DHRS7B: variants seen among roughly 807,000 people sequenced by gnomAD.
The protein encoded by DHRS7B is peroxisomal reductase activating PPAR-gamma.
A neutral mutation model predicts 26.4 loss-of-function variants in DHRS7B; 24 were observed. The observed-to-expected ratio is 0.91, with a 90% confidence interval of 0.66 to 1.28. The LOEUF (loss-of-function observed/expected upper bound fraction) is 1.28. Among genes scored for constraint, DHRS7B ranks in the 50% most tolerant of loss-of-function variants. The pLI, the probability that DHRS7B is intolerant of heterozygous loss-of-function variation, is 0.00. For missense variants in DHRS7B, 368 were observed against 419.4 expected, an observed-to-expected ratio of 0.88 and a Z score of 1.07; for synonymous variants, 142 against 166.4, an observed-to-expected ratio of 0.85 and a Z score of 1.13.
intron 1 of DHRS7B, among the ~76,000 whole-genome samples, chr17:21,160,336 G>A (rs1373187874): frequency 3.3e-5 from 5 of 151,818 alleles, no homozygotes; most frequent in South Asian, 2.1e-4. Context: ...TAGCCTGGGT[G>A]ACAAAGTTAG....
intron 1 of DHRS7B, among the ~76,000 whole-genome samples, chr17:21,150,078 G>A (rs1208237136): frequency 1.5e-5 from 2 of 130,542 alleles, no homozygotes; most frequent in Non-Finnish European, 1.5e-5. Context: ...ACCAGCCTGG[G>A]CAACATAACA....
intron 1 of DHRS7B, among the ~76,000 whole-genome samples, chr17:21,157,224 C>T (rs1973901611): frequency 6.6e-6 from 1 of 152,186 alleles, no homozygotes; most frequent in African/African-American, 2.4e-5. Flanking sequence ...ATGAGACTTC[C>T]ATTACCCTAA....
At position 21,155,633 on chromosome 17, in the gene DHRS7B, A is replaced by C. The variant is rs1159912496; in HGVS notation, c.21-16385A>C. 2.0e-5 allele frequency among the ~76,000 whole-genome samples: 3 copies of C among 152,320 alleles called. No individual in the cohort carries two copies. In the East Asian group the frequency reaches 5.8e-4, roughly 29 times the overall value. On this transcript the variant is annotated intron_variant, in intron 1 of 6. Transcript: ENST00000395511. The stretch of plus-strand genomic sequence containing the variant: ...AACAGCGGTCAATTGGATATAGTTA[A>C]CATGTATAAACTACTTTGTCCAACA...
Position 21,190,898 on chromosome 17 carries a change from G to A in DHRS7B, c.773-50G>A, listed in dbSNP as rs780745796. 5.6e-6 allele frequency: 9 copies of A among 1,599,358 alleles called. No individual in the cohort carries two copies. In the South Asian group the frequency reaches 1.0e-4, roughly 18 times the overall value. On this transcript the variant is annotated intron_variant, in intron 6 of 6. Transcript: ENST00000395511. Reference sequence around the variant, plus strand: ...CTCACATCAGCTCCACTCCTCAAGAGGGACCTCTGCTTCCAAGTTCATGTG... The same window carrying A: ...CTCACATCAGCTCCACTCCTCAAGAAGGACCTCTGCTTCCAAGTTCATGTG...
intron 1 of DHRS7B, among the ~76,000 whole-genome samples, chr17:21,160,910 G>A (rs1249354907): frequency 6.6e-6 from 1 of 152,138 alleles, no homozygotes; most frequent in African/African-American, 2.4e-5. Context: ...GCTATGAAAA[G>A]ACATGGAGGA....
intron 1 of DHRS7B, among the ~76,000 whole-genome samples, chr17:21,147,135 G>C (rs1415733300): frequency 6.6e-6 from 1 of 152,132 alleles, no homozygotes; most frequent in Non-Finnish European, 1.5e-5. Context: ...AAGTTCTTGG[G>C]AAATTTGTGG....
rs1406699511 is a variant in DHRS7B at position 21,165,915 on chromosome 17, C to CAAAAAAAAA, written c.21-6103_21-6102insAAAAAAAAA. 7.5e-5 allele frequency among the ~76,000 whole-genome samples: 3 copies of CAAAAAAAAA among 40,268 alleles called. No individual in the cohort carries two copies. In the South Asian group the frequency reaches 4.0e-3, roughly 54 times the overall value. The allele number at this position is 40,268 out of a possible 152,430, so 26.4% of individuals were successfully genotyped here. On this transcript the variant is annotated intron_variant, in intron 1 of 6. Coordinates refer to ENST00000395511, the MANE Select transcript of DHRS7B (RefSeq NM_015510.5). ...TGGGCAACAGAGCAAGACTCCGTCTCCAAAAAAAAAAAAAAAAAACCACAT... is the reference window on the plus strand; with the variant it reads ...TGGGCAACAGAGCAAGACTCCGTCTCAAAAAAAAACAAAAAAAAAAAAAAAAAACCACAT...
chr17:21,172,291 C>A (rs761715104), intron 2 of DHRS7B, 95 bp downstream of exon 2: 3 of 1,456,028 alleles, frequency 2.1e-6, no homozygotes, highest in Middle Eastern at 2.3e-4. Flanking sequence ...CGCAAATGCC[C>A]GAAGCGGCAG....
chr17:21,147,075 G>A (rs1973657841), intron 1 of DHRS7B, among the ~76,000 whole-genome samples: 2 of 152,100 alleles, frequency 1.3e-5, no homozygotes, highest in African/African-American at 4.8e-5. Flanking sequence ...AGGGTTTTTT[G>A]TCTATTTTAT....
At chr17:21,139,095 A>C (rs1936663050) in intron 1 of DHRS7B, among the ~76,000 whole-genome samples, 1 of 152,202 alleles carries the variant, frequency 6.6e-6, no homozygotes, top group African/African-American at 2.4e-5. Context: ...GGCTGAACTA[A>C]CTTTGGGAGG....
At position 21,163,151 on chromosome 17, in the gene DHRS7B, G is replaced by A. The variant is rs373598725; in HGVS notation, c.21-8867G>A. ...GCAGAGGTTGCAGTGAACCGAGATC[G>A]CGCCACTGCACTACAGCCTGGGTGA... On this transcript the variant is annotated intron_variant, in intron 1 of 6. Coordinates refer to ENST00000395511, the MANE Select transcript of DHRS7B (RefSeq NM_015510.5). Among the ~76,000 whole-genome samples the A allele has an allele frequency of 1.1e-4, 17 of 151,468 alleles. No homozygotes were observed. The East Asian group carries it at 1.9e-3, about 17-fold the overall frequency.
At chr17:21,138,824 C>T (rs1973426441) in intron 1 of DHRS7B, among the ~76,000 whole-genome samples, 1 of 151,670 alleles carries the variant, frequency 6.6e-6, no homozygotes, top group African/African-American at 2.4e-5. Flanking sequence ...TGGAAAATAC[C>T]CAAATAATTA....
At chr17:21,171,020 T>C (rs1313887742) in intron 1 of DHRS7B, among the ~76,000 whole-genome samples, 2 of 151,934 alleles carry the variant, frequency 1.3e-5, no homozygotes, top group Non-Finnish European at 2.9e-5. Context: ...GATTCTGTGC[T>C]CGTAAACCAC....
At chr17:21,187,510 C>T (rs980670560) in intron 5 of DHRS7B, among the ~76,000 whole-genome samples, 1 of 151,618 alleles carries the variant, frequency 6.6e-6, no homozygotes, top group Non-Finnish European at 1.5e-5. Context: ...CCTGTAGTCC[C>T]AGCTACTCGG....
intron 3 of DHRS7B, among the ~76,000 whole-genome samples, chr17:21,180,646 C>G (rs1234175551): frequency 6.6e-6 from 1 of 151,778 alleles, no homozygotes; most frequent in African/African-American, 2.4e-5. Context: ...GTTTTCTCCC[C>G]CTTAGAGGGA....
chr17:21,174,276 C>T (rs548430714), intron 2 of DHRS7B, among the ~76,000 whole-genome samples: 1 of 152,330 alleles, frequency 6.6e-6, no homozygotes, highest in East Asian at 1.9e-4. Context: ...CCGTGTTTCT[C>T]CTATCTTGTC....
intron 1 of DHRS7B, among the ~76,000 whole-genome samples, chr17:21,168,050 T>G (rs1319959822): frequency 6.6e-6 from 1 of 152,138 alleles, no homozygotes; most frequent in Non-Finnish European, 1.5e-5. Context: ...AGCAAGGTGG[T>G]GGGGCTTTCC....
At chr17:21,163,193 C>A (rs1485001403) in intron 1 of DHRS7B, among the ~76,000 whole-genome samples, 28 of 145,348 alleles carry the variant, frequency 1.9e-4, no homozygotes, top group African/African-American at 3.6e-4. Context: ...AAGACTGTCT[C>A]AAAAAAAAAA....
At chr17:21,150,536 G>T (rs888295055) in intron 1 of DHRS7B, among the ~76,000 whole-genome samples, 1 of 152,190 alleles carries the variant, frequency 6.6e-6, no homozygotes, top group African/African-American at 2.4e-5. Context: ...AGAATGTCAT[G>T]AACCCAGGAG....
Sources: gnomAD v4.1 joint callset for allele counts (sites outside exome capture counted in the v4.1 genomes callset) on GRCh38, gnomAD v4.1.1 for gene constraint, MANE v1.5 for transcripts, NCBI Gene and HGNC (gene_info 2026-07-23, HGNC 2026-07-21) for gene names.